Variants in LAMA2 observed in about 807,000 individuals in gnomAD.
The protein encoded by LAMA2 is laminin subunit alpha 2.
In LAMA2, 269 loss-of-function variants were observed where a neutral mutation model predicts 364.8. The observed-to-expected ratio is 0.74, with a 90% CI of 0.67 to 0.82. The LOEUF (loss-of-function observed/expected upper bound fraction) is 0.82. Among genes scored for constraint, LAMA2 ranks in the 40% least tolerant of loss-of-function variants. The pLI, the probability that LAMA2 is intolerant of heterozygous loss-of-function variation, is 0.00. For missense variants in LAMA2, 3,807 were observed against 3,873.2 expected, an observed-to-expected ratio of 0.98 and a Z score of 0.45; for synonymous variants, 1,379 against 1,370.6, an observed-to-expected ratio of 1.01 and a Z score of -0.14.
rs1005582253 is a variant in LAMA2, at chr6:129,047,298, C to T, written c.113-2620C>T. 7.9e-5 allele frequency among the ~76,000 whole-genome samples: 12 copies of T among 152,144 alleles called. No homozygotes were observed. The East Asian group carries it at 2.3e-3, about 29-fold the overall frequency. On this transcript the variant is annotated intron_variant, in intron 1 of 64. Transcript: ENST00000421865. ...TTATGAATGTTTAATATTTCTCTAA[C>T]CAACAATTACATTAGCTTTCCTTAT...
In LAMA2 at chr6:129,425,030, A is replaced by G. The variant is rs187603467; in HGVS notation, c.5866-2722A>G. Among the ~76,000 whole-genome samples, 92 of 152,218 alleles carry G rather than the reference A, an allele frequency of 6.0e-4. 1 individual carries two copies. In the South Asian group the frequency reaches 0.01, roughly 17 times the overall value. On this transcript the variant is annotated intron_variant, in intron 40 of 64. Coordinates refer to ENST00000421865, the MANE Select transcript of LAMA2 (RefSeq NM_000426.4). ...AAGAAGCCAGACAAAAAGAGAGTAC[A>G]TGCAGAATGTTTCCATTTGTATAAA...
rs77438236 is a variant in LAMA2, at chr6:129,125,390, A to C, written c.640-18511A>C. Among the ~76,000 whole-genome samples the C allele has an allele frequency of 9.7e-3, 1,479 of 152,260 alleles. 28 individuals are homozygous for C. Among genetic ancestry groups the C allele is most frequent in the African/African-American group, 0.034 (1,412 of 41,556 alleles). On this transcript the variant is annotated intron_variant, in intron 4 of 64. Coordinates refer to ENST00000421865, the MANE Select transcript of LAMA2 (RefSeq NM_000426.4). The stretch of plus-strand genomic sequence containing the variant: ...TAAAATCATGAGACTGCATAATATC[A>C]CCCAGGAAGTACAAGAAGACCTAGA...
intron 10 of LAMA2, among the ~76,000 whole-genome samples, chr6:129,186,930 T>G (rs1248956385): frequency 6.6e-6 from 1 of 151,806 alleles, no homozygotes; most frequent in African/African-American, 2.4e-5. Flanking sequence ...ATCTCATATG[T>G]CTTGTATATA....
chr6:128,939,424 C>A (rs1780027645), intron 1 of LAMA2, among the ~76,000 whole-genome samples: 1 of 151,890 alleles, frequency 6.6e-6, no homozygotes, highest in Non-Finnish European at 1.5e-5. Flanking sequence ...AACATATATA[C>A]CTTCACCTGA....
intron 1 of LAMA2, among the ~76,000 whole-genome samples, chr6:129,036,481 A>G (rs1786648013): frequency 1.3e-5 from 2 of 152,176 alleles, no homozygotes; most frequent in Admixed American, 1.3e-4. Flanking sequence ...CATGCCTAAG[A>G]TCCATTGGAG....
chr6:129,469,431 TAA>T (rs1386922147), intron 51 of LAMA2, among the ~76,000 whole-genome samples: 2 of 151,814 alleles, frequency 1.3e-5, no homozygotes, highest in Admixed American at 6.6e-5. Flanking sequence ...TGACTAAAAT[TAA>T]AAAGACTGAC....
At chr6:129,110,134 T>G (rs1776064869) in intron 4 of LAMA2, among the ~76,000 whole-genome samples, 2 of 152,024 alleles carry the variant, frequency 1.3e-5, no homozygotes, top group Admixed American at 1.3e-4. Flanking sequence ...TCTACTTATA[T>G]TCATTGCAAT....
At chr6:129,411,538 A>G (rs1187593995) in intron 40 of LAMA2, among the ~76,000 whole-genome samples, 4 of 152,200 alleles carry the variant, frequency 2.6e-5, no homozygotes, top group African/African-American at 4.8e-5. Context: ...CAAATTTCCC[A>G]GTGTTCATTC....
At chr6:129,160,428 T>C (rs1460108628) in intron 8 of LAMA2, among the ~76,000 whole-genome samples, 2 of 152,138 alleles carry the variant, frequency 1.3e-5, no homozygotes, top group Admixed American at 6.5e-5. Context: ...ATAGCATCTA[T>C]ATAGATATCC....
chr6:129,152,739 A>G (rs1288150782), intron 7 of LAMA2, among the ~76,000 whole-genome samples: 2 of 152,248 alleles, frequency 1.3e-5, no homozygotes, highest in Non-Finnish European at 2.9e-5. Context: ...TCCTCCCAGT[A>G]TGTGTGTGGT....
chr6:129,371,644 T>C (rs1396524843), intron 34 of LAMA2, among the ~76,000 whole-genome samples: 1 of 150,292 alleles, frequency 6.7e-6, no homozygotes, highest in Non-Finnish European at 1.5e-5. Flanking sequence ...TCTTGCTCTG[T>C]CGCCGAGGCT....
At chr6:129,380,372 A>G (rs1408079586) in intron 34 of LAMA2, among the ~76,000 whole-genome samples, 1 of 152,188 alleles carries the variant, frequency 6.6e-6, no homozygotes, top group Admixed American at 6.5e-5. Flanking sequence ...ACTTTAGAGA[A>G]TATTTACTAT....
chr6:128,996,186 T>C (rs1245134481), intron 1 of LAMA2, among the ~76,000 whole-genome samples: 2 of 152,210 alleles, frequency 1.3e-5, no homozygotes, highest in Admixed American at 1.3e-4. Context: ...ATGCTGTGCA[T>C]GGAGGTGACA....
At chr6:129,238,077 A>T (rs1479778020) in intron 12 of LAMA2, among the ~76,000 whole-genome samples, 1 of 151,948 alleles carries the variant, frequency 6.6e-6, no homozygotes, top group Admixed American at 6.6e-5. Flanking sequence ...AGGCATGAGA[A>T]TCACTTAATT....
At chr6:129,513,554 T>C (rs1440065575) in intron 63 of LAMA2, among the ~76,000 whole-genome samples, 1 of 152,210 alleles carries the variant, frequency 6.6e-6, no homozygotes, top group Non-Finnish European at 1.5e-5. Flanking sequence ...ACTTTTCACC[T>C]ATTTACTTGC....
intron 1 of LAMA2, among the ~76,000 whole-genome samples, chr6:129,009,707 G>A (rs6938221): frequency 0.32 from 48,847 of 151,924 alleles, 8,955 homozygotes; most frequent in African/African-American, 0.5. Context: ...CTTGAATATG[G>A]TATCTCAGGC....
At chr6:128,921,763 T>C (rs1778750525) in intron 1 of LAMA2, among the ~76,000 whole-genome samples, 1 of 151,580 alleles carries the variant, frequency 6.6e-6, no homozygotes, top group African/African-American at 2.4e-5. Flanking sequence ...ATGTGCCGAT[T>C]AGTTACATAT....
chr6:129,126,736 A>G (rs774054727), intron 4 of LAMA2, among the ~76,000 whole-genome samples: 1 of 152,176 alleles, frequency 6.6e-6, no homozygotes, highest in South Asian at 2.1e-4. Flanking sequence ...TATCCCTCAG[A>G]TGTTATTTCA....
At chr6:129,375,488 A>C (rs751414705) in intron 34 of LAMA2, among the ~76,000 whole-genome samples, 1 of 152,222 alleles carries the variant, frequency 6.6e-6, no homozygotes, top group Non-Finnish European at 1.5e-5. Flanking sequence ...TAAGATAACC[A>C]ATGACAATCT....
Sources: allele counts gnomAD v4.1 joint callset (sites outside exome capture counted in the v4.1 genomes callset), GRCh38; gene constraint gnomAD v4.1.1; transcripts MANE v1.5; gene names NCBI Gene and HGNC (gene_info 2026-07-23, HGNC 2026-07-21).